Variants in PPP1R12A observed in about 807,000 individuals in gnomAD.
PPP1R12A encodes the protein myosin binding subunit.
In PPP1R12A, 19 loss-of-function variants were observed where a neutral mutation model predicts 139.6. That is an observed-to-expected ratio of 0.14 (90% CI 0.09 to 0.20). The LOEUF (loss-of-function observed/expected upper bound fraction) is 0.20. Among genes scored for constraint, PPP1R12A ranks in the 10% least tolerant of loss-of-function variants. PPP1R12A has a pLI of 1.00. For synonymous variants in PPP1R12A, 427 were observed against 420.6 expected, an observed-to-expected ratio of 1.02 and a Z score of -0.19; for missense variants, 925 against 1,211.5, an observed-to-expected ratio of 0.76 and a Z score of 3.51.
chr12:79,894,155 T>TA (rs1324806958), intron 1 of PPP1R12A, among the ~76,000 whole-genome samples: 1 of 152,188 alleles, frequency 6.6e-6, no homozygotes, highest in East Asian at 1.9e-4. Flanking sequence ...AAGTTTCCTT[T>TA]AAAAAATTAC....
At chr12:79,919,950 A>G (rs1887311606) in intron 1 of PPP1R12A, among the ~76,000 whole-genome samples, 1 of 152,224 alleles carries the variant, frequency 6.6e-6, no homozygotes, top group Admixed American at 6.5e-5. Context: ...AGATTCACAG[A>G]GTTGTGCAAC....
At chr12:79,922,834 C>T (rs1887544115) in intron 1 of PPP1R12A, among the ~76,000 whole-genome samples, 1 of 151,640 alleles carries the variant, frequency 6.6e-6, no homozygotes, top group African/African-American at 2.4e-5. Context: ...ACATGTATAC[C>T]AGAACTTAAA....
intron 1 of PPP1R12A, among the ~76,000 whole-genome samples, chr12:79,924,385 G>A (rs1408702896): frequency 6.6e-6 from 1 of 152,124 alleles, no homozygotes; most frequent in Non-Finnish European, 1.5e-5. Context: ...AAAAACAATA[G>A]TTCTTAATGA....
chr12:79,802,675 G>A (rs1427065970), intron 14 of PPP1R12A, among the ~76,000 whole-genome samples: 5 of 152,120 alleles, frequency 3.3e-5, no homozygotes, highest in Non-Finnish European at 7.3e-5. Context: ...TAGCTACTCA[G>A]GAGGCTGAGG....
intron 1 of PPP1R12A, among the ~76,000 whole-genome samples, chr12:79,874,769 T>C (rs919298368): frequency 6.6e-6 from 1 of 152,170 alleles, no homozygotes; most frequent in Admixed American, 6.5e-5. Flanking sequence ...TTATCTATGA[T>C]TTACATACAT....
chr12:79,854,698 G>A (rs1030679697), intron 2 of PPP1R12A, among the ~76,000 whole-genome samples: 11 of 152,040 alleles, frequency 7.2e-5, no homozygotes, highest in Admixed American at 2.6e-4. Flanking sequence ...TAGAGATGGA[G>A]TCTCATTCTG....
In PPP1R12A at chr12:79,832,421, A is replaced by G; in HGVS notation, c.558T>C (p.Asn186=). The part of the protein sequence containing the change: ...IMLRDARQWL[N]SGHINDVRHA... ...GCCGGACATCATTTATATGACCACT[A>G]TTTAGCCACTGCCTGGCATCTCTAA... The change falls in exon 4 of 25, where the codon AAT becomes AAC. Residue 186 remains asparagine, a synonymous_variant. Transcript: ENST00000450142. The G allele has an allele frequency of 6.2e-7, 1 of 1,613,562 alleles. No individual in the cohort carries two copies.
rs73138666 is a variant in PPP1R12A, at chr12:79,900,207, G to C, written c.238-27269C>G. ...TGCAGATCTGTGAAATAAGGTAACA[G>C]ATAATGAAGAGTTAGCAATGGCCCT... On this transcript the variant is annotated intron_variant, in intron 1 of 24. Transcript: ENST00000450142. Among the ~76,000 whole-genome samples, 331 of 152,260 alleles carry C rather than the reference G, an allele frequency of 2.2e-3. 1 individual carries two copies. The highest frequency in any genetic ancestry group is 6.8e-3 in the Middle Eastern group (2 of 294).
intron 3 of PPP1R12A, among the ~76,000 whole-genome samples, chr12:79,836,585 A>G (rs1256425950): frequency 6.6e-6 from 1 of 152,214 alleles, no homozygotes; most frequent in African/African-American, 2.4e-5. Flanking sequence ...AGTTAACGTG[A>G]AGGGCAATTC....
intron 14 of PPP1R12A, among the ~76,000 whole-genome samples, chr12:79,804,473 GA>G (rs1310946137): frequency 6.6e-6 from 1 of 151,286 alleles, no homozygotes; most frequent in Non-Finnish European, 1.5e-5. Context: ...TGCAATGATA[GA>G]AAAAAAAGTT....
At position 79,935,096 on chromosome 12, in the gene PPP1R12A, C is replaced by G; in HGVS notation, c.-165G>C. On this transcript the variant is annotated 5_prime_UTR_variant, in exon 1 of 25. Coordinates refer to ENST00000450142, the MANE Select transcript of PPP1R12A (RefSeq NM_002480.3). ...GAGACTTCCAGTATCCCACAGAGCACTGGGGCGGCGCACCCGGCCGAGCGG... is the reference window on the plus strand; with the variant it reads ...GAGACTTCCAGTATCCCACAGAGCAGTGGGGCGGCGCACCCGGCCGAGCGG... 2.2e-6 allele frequency: 3 copies of G among 1,371,254 alleles called. No homozygotes were observed. Among genetic ancestry groups the G allele is most frequent in the Non-Finnish European group, 2.8e-6 (3 of 1,064,436 alleles). The allele number at this position is 1,371,254 out of a possible 1,614,324, so 84.9% of individuals were successfully genotyped here.
chr12:79,843,896 G>T (rs558771662), intron 3 of PPP1R12A, among the ~76,000 whole-genome samples: 1 of 151,750 alleles, frequency 6.6e-6, no homozygotes, highest in Non-Finnish European at 1.5e-5. Context: ...GTAGAGACAG[G>T]GTTTCACCAT....
At chr12:79,833,972 C>A (rs1364117887) in intron 3 of PPP1R12A, among the ~76,000 whole-genome samples, 2 of 151,854 alleles carry the variant, frequency 1.3e-5, no homozygotes, top group Non-Finnish European at 2.9e-5. Flanking sequence ...CTCCTATAAT[C>A]CATATCCATG....
chr12:79,837,431 T>C (rs1878216598), intron 3 of PPP1R12A, among the ~76,000 whole-genome samples: 1 of 152,218 alleles, frequency 6.6e-6, no homozygotes, highest in South Asian at 2.1e-4. Context: ...AACTAGTTAT[T>C]GATCAAATGT....
intron 3 of PPP1R12A, among the ~76,000 whole-genome samples, chr12:79,844,153 A>C (rs1470907117): frequency 6.6e-6 from 1 of 152,132 alleles, no homozygotes; most frequent in African/African-American, 2.4e-5. Context: ...ACCACAATCA[A>C]CTTTAGAATA....
intron 19 of PPP1R12A, among the ~76,000 whole-genome samples, chr12:79,791,993 G>A (rs1311524824): frequency 2.6e-4 from 39 of 151,966 alleles, no homozygotes. Flanking sequence ...TCTTTTTAAA[G>A]ATAAAAAAGA....
intron 1 of PPP1R12A, among the ~76,000 whole-genome samples, chr12:79,902,134 T>TA (rs1235523233): frequency 6.6e-6 from 1 of 152,176 alleles, no homozygotes; most frequent in African/African-American, 2.4e-5. Context: ...TGGTTCAACT[T>TA]AAAGAGTGTC....
chr12:79,907,412 C>T (rs185664625), intron 1 of PPP1R12A, among the ~76,000 whole-genome samples: 26 of 151,954 alleles, frequency 1.7e-4, no homozygotes, highest in Admixed American at 1.6e-3. Flanking sequence ...TTAGCCTATA[C>T]TAAAATATCA....
At chr12:79,912,666 C>A (rs1022192319) in intron 1 of PPP1R12A, among the ~76,000 whole-genome samples, 10 of 150,364 alleles carry the variant, frequency 6.7e-5, no homozygotes, top group Non-Finnish European at 1.0e-4. Flanking sequence ...TGCACTCTAG[C>A]CTGGGTGACA....
Sources: gnomAD v4.1 joint callset for allele counts (sites outside exome capture counted in the v4.1 genomes callset) on GRCh38, gnomAD v4.1.1 for gene constraint, MANE v1.5 for transcripts, NCBI Gene and HGNC (gene_info 2026-07-23, HGNC 2026-07-21) for gene names.